IGF2R: variants seen among roughly 807,000 people sequenced by gnomAD.
The protein encoded by IGF2R is cation-independent mannose-6-phosphate receptor.
In IGF2R, 91 loss-of-function variants were observed where a neutral mutation model predicts 270.6. That is an observed-to-expected ratio of 0.34 (90% CI 0.28 to 0.40). The LOEUF is 0.40. IGF2R is among the 10% of genes least tolerant of loss of function. The pLI is 1.00. For missense variants in IGF2R, 2,805 were observed against 3,188.3 expected (o/e 0.88, Z 2.90); for synonymous variants, 1,316 against 1,258.9 (o/e 1.05, Z -0.96).
chr6:160,064,615 G>T (rs1001606184), intron 28 of IGF2R, 84 bp downstream of exon 28: 12 of 1,467,186 alleles, frequency 8.2e-6, no homozygotes, highest in Non-Finnish European at 1.1e-5. Context: ...TCTGTCCTCA[G>T]ATCTCATCAA....
In IGF2R at chr6:160,105,100, A is replaced by G. The variant is rs1779585824; in HGVS notation, c.*16A>G. 1 of 1,524,530 alleles carries G rather than the reference A, an allele frequency of 6.6e-7. No individual in the cohort carries two copies. The highest frequency in any genetic ancestry group is 8.8e-7 in the Non-Finnish European group (1 of 1,134,382). The allele number at this position is 1,524,530 out of a possible 1,614,324, so 94.4% of individuals were successfully genotyped here. ...ACACATCTGACTCCGCAGTGCCTGC[A>G]GGGGAGCACGGAGCCGCGGGACAGC... On this transcript the variant is annotated 3_prime_UTR_variant, in exon 48 of 48. Coordinates refer to ENST00000356956, the MANE Select transcript of IGF2R (RefSeq NM_000876.4).
At chr6:159,977,836 G>A (rs866467242) in intron 1 of IGF2R, among the ~76,000 whole-genome samples, 5 of 149,738 alleles carry the variant, frequency 3.3e-5, no homozygotes, top group East Asian at 3.9e-4. Flanking sequence ...GATGCTAACC[G>A]TGTTGTAGGC....
At chr6:159,976,960 T>C (rs1424251296) in intron 1 of IGF2R, among the ~76,000 whole-genome samples, 1 of 152,240 alleles carries the variant, frequency 6.6e-6, no homozygotes, top group East Asian at 1.9e-4. Flanking sequence ...TCGGTTTGTC[T>C]GTTGCTTTTA....
rs1025405099 is a variant in IGF2R at position 160,004,244 on chromosome 6, A to G, written c.290-4766A>G. ...CTTGTAGGTTCTAATTGCCATGGCA[A>G]TAATATAATTGCTGTGGCCGCTGCG... On this transcript the variant is annotated intron_variant, in intron 2 of 47. Coordinates refer to ENST00000356956, the MANE Select transcript of IGF2R (RefSeq NM_000876.4). This position sits in a 1 kb window ranked among gnomAD's most constrained non-coding sequence, Gnocchi z 5.2. 14 of 152,382 alleles carry G rather than the reference A, an allele frequency of 9.2e-5. No homozygotes were observed. The highest frequency in any genetic ancestry group is 3.1e-4 in the African/African-American group (13 of 41,572). 9.4% of individuals were successfully genotyped at this position (152,382 alleles called of 1,614,324 possible).
intron 44 of IGF2R, chr6:160,095,221 C>T (rs1178922681): frequency 6.6e-6 from 1 of 152,224 alleles, no homozygotes; most frequent in Non-Finnish European, 1.5e-5. Context: ...CGGTTACCAC[C>T]AGAACGGCTG....
intron 1 of IGF2R, among the ~76,000 whole-genome samples, chr6:159,974,777 G>C (rs1201792819): frequency 1.3e-5 from 2 of 152,058 alleles, no homozygotes; most frequent in Non-Finnish European, 2.9e-5. Flanking sequence ...TGGAGGGGAG[G>C]GGGCAAAATC....
At position 160,004,502 on chromosome 6, in the gene IGF2R, G is replaced by A; in HGVS notation, c.290-4508G>A. ...TGCAGCCTGGCCAGTGTGGTCTGGAGGGGTCTGGCAAGCGCTATCTGGAGC... is the reference window on the plus strand; with the variant it reads ...TGCAGCCTGGCCAGTGTGGTCTGGAAGGGTCTGGCAAGCGCTATCTGGAGC... On this transcript the variant is annotated intron_variant, in intron 2 of 47. Transcript: ENST00000356956. This position sits in a 1 kb window ranked among gnomAD's most constrained non-coding sequence, Gnocchi z 5.2. The A allele has an allele frequency of 6.5e-6, 1 of 153,590 alleles. No homozygotes were observed. Among genetic ancestry groups the A allele is most frequent in the Non-Finnish European group, 1.4e-5 (1 of 69,020 alleles). 9.5% of individuals were successfully genotyped at this position (153,590 alleles called of 1,614,324 possible).
intron 1 of IGF2R, among the ~76,000 whole-genome samples, chr6:159,990,124 T>A (rs980077240): frequency 6.6e-6 from 1 of 152,042 alleles, no homozygotes; most frequent in Non-Finnish European, 1.5e-5. Flanking sequence ...GCTAGTTTTT[T>A]AATAAAATAG....
intron 23 of IGF2R, 130 bp downstream of exon 23, chr6:160,060,847 A>AGGTTAT: frequency 1.3e-6 from 1 of 777,820 alleles, no homozygotes; most frequent in Non-Finnish European, 2.1e-6. Flanking sequence ...TTATGCAGGC[A>AGGTTAT]GCGTGACATT....
Position 160,089,152 on chromosome 6 carries a change from G to T in IGF2R, c.6366G>T (p.Arg2122=). 2 of 1,614,084 alleles carry T rather than the reference G, an allele frequency of 1.2e-6. No individual in the cohort carries two copies. Among genetic ancestry groups the T allele is most frequent in the Non-Finnish European group, 1.7e-6 (2 of 1,179,948 alleles). Residue 2122 remains arginine, a synonymous_variant, in exon 43 of 48, where the codon CGG becomes CGT. Transcript: ENST00000356956. ...CTTACTACTTCAGCTGGGACTCCCGGGCTGCCTGCGCCGTGAAGCCTCAGG... is the reference window on the plus strand; with the variant it reads ...CTTACTACTTCAGCTGGGACTCCCGTGCTGCCTGCGCCGTGAAGCCTCAGG... ...SCTYYFSWDS[R]AACAVKPQEV...
Position 160,032,993 on chromosome 6 carries a change from G to A in IGF2R, c.1097G>A (p.Cys366Tyr), listed in dbSNP as rs1291906404. ...GAATATTTGTTTTATTTGAATGTCTGTGGAGAAACTGAAATACAGTTCTGT... is the reference window on the plus strand; with the variant it reads ...GAATATTTGTTTTATTTGAATGTCTATGGAGAAACTGAAATACAGTTCTGT... ...GKEYLFYLNV[C>Y]GETEIQFCNK... Residue 366 changes from cysteine to tyrosine, a missense_variant, in exon 9 of 48, where the codon TGT (cysteine) becomes TAT (tyrosine). Around this residue, in one of 2 missense-constraint regions of IGF2R, gnomAD observed 954 missense variants for 981.1 expected, o/e 0.97. Transcript: ENST00000356956. The A allele has an allele frequency of 6.2e-7, 1 of 1,603,618 alleles. No individual in the cohort carries two copies. The highest frequency in any genetic ancestry group is 8.5e-7 in the Non-Finnish European group (1 of 1,170,614).
intron 2 of IGF2R, among the ~76,000 whole-genome samples, chr6:159,994,872 C>T (rs1784028999): frequency 6.6e-6 from 1 of 152,126 alleles, no homozygotes; most frequent in Admixed American, 6.5e-5. Flanking sequence ...ATATGGTCTA[C>T]CCTGGAGACT....
intron 1 of IGF2R, among the ~76,000 whole-genome samples, chr6:159,980,695 C>T (rs917064437): frequency 6.6e-6 from 1 of 151,950 alleles, no homozygotes; most frequent in Non-Finnish European, 1.5e-5. Context: ...CTAGAAAGGC[C>T]CACCTTCCCT....
intron 41 of IGF2R, among the ~76,000 whole-genome samples, chr6:160,086,970 C>A (rs1216287384): frequency 6.6e-6 from 1 of 152,072 alleles, no homozygotes; most frequent in South Asian, 2.1e-4. Flanking sequence ...CCAGGCTGGG[C>A]CCAGACCGTT....
chr6:160,045,929 T>A (rs772502463), intron 14 of IGF2R, 47 bp downstream of exon 14: 132 of 1,461,796 alleles, frequency 9.0e-5, no homozygotes, highest in Non-Finnish European at 1.2e-4. Flanking sequence ...TTGGAACCAC[T>A]TAAGGTTTTT....
intron 20 of IGF2R, among the ~76,000 whole-genome samples, chr6:160,056,858 G>A (rs539139899): frequency 6.6e-6 from 1 of 152,244 alleles, no homozygotes; most frequent in South Asian, 2.1e-4. Context: ...TAGTCGATAC[G>A]TCACTCCACA....
rs1207002442 is a variant in IGF2R at position 160,073,210 on chromosome 6, C to T, written c.4691-3C>T. ...TTTTCTCCGCCTTTCCCTTGTGGTG[C>T]AGGGGCCTGCTTTGGACAGACCAGG... is the stretch of plus-strand genomic sequence containing the variant. On this transcript the variant is annotated splice_polypyrimidine_tract_variant and splice_region_variant and intron_variant, in intron 33 of 47. Coordinates refer to ENST00000356956, the MANE Select transcript of IGF2R (RefSeq NM_000876.4). 1 of 1,612,982 alleles carries T rather than the reference C, an allele frequency of 6.2e-7. No individual in the cohort carries two copies. Among genetic ancestry groups the T allele is most frequent in the Non-Finnish European group, 8.5e-7 (1 of 1,179,118 alleles).
chr6:160,057,614 A>G (rs1778342818), intron 20 of IGF2R, among the ~76,000 whole-genome samples: 1 of 152,228 alleles, frequency 6.6e-6, no homozygotes, highest in Admixed American at 6.5e-5. Context: ...ATCATTTGAC[A>G]GTCACCTGGT....
intron 39 of IGF2R, among the ~76,000 whole-genome samples, chr6:160,083,273 C>A (rs1779025442): frequency 6.6e-6 from 1 of 152,228 alleles, no homozygotes; most frequent in Admixed American, 6.5e-5. Context: ...ACCCAAACAT[C>A]TCAGCGGAGT....
Sources: gnomAD v4.1 joint callset for allele counts (sites outside exome capture counted in the v4.1 genomes callset) on GRCh38, gnomAD v4.1.1 for gene constraint, gnomAD v4.1.1 regional missense constraint, Gnocchi (gnomAD v3.1) non-coding constraint, MANE v1.5 for transcripts, NCBI Gene and HGNC (gene_info 2026-07-23, HGNC 2026-07-21) for gene names.